The following AP2B1 variants were observed in gnomAD, a reference collection of about 807,000 sequenced individuals.
AP2B1 encodes AP-2 complex subunit beta.
A neutral mutation model predicts 102.0 loss-of-function variants in AP2B1; 23 were observed. The observed-to-expected ratio is 0.23, with a 90% CI of 0.16 to 0.32. AP2B1 has a LOEUF of 0.32. Ranked by LOEUF, AP2B1 falls within the 10% of genes least tolerant of loss-of-function variation. The pLI is 1.00. For synonymous variants in AP2B1, 381 were observed against 421.2 expected (o/e 0.90, Z 1.17); for missense variants, 541 against 1,157.4 (o/e 0.47, Z 7.73).
Position 35,717,278 on chromosome 17 carries a change from T to A in AP2B1, c.2710T>A (p.Ser904Thr). ...GGAAGGGCAGGACATGCTGTACCAA[T>A]CCCTGAAGCTCACTAATGGCATTTG... ...NVEGQDMLYQ[S>T]LKLTNGIWIL... Residue 904 changes from serine to threonine, a missense_variant, in exon 21 of 22, where the codon TCC (serine) becomes ACC (threonine). Ser to Thr is a moderately conservative substitution (Grantham distance 58). Around this residue, in one of 10 missense-constraint regions of AP2B1, gnomAD observed 117 missense variants for 206.7 expected, o/e 0.57. Coordinates refer to ENST00000610402, the MANE Select transcript of AP2B1 (RefSeq NM_001030006.2). The A allele has an allele frequency of 6.2e-7, 1 of 1,614,166 alleles. No individual in the cohort carries two copies.
intron 9 of AP2B1, among the ~76,000 whole-genome samples, chr17:35,634,077 A>T (rs1555564765): frequency 1.3e-5 from 2 of 152,086 alleles, no homozygotes; most frequent in Non-Finnish European, 1.5e-5. Flanking sequence ...AACCCAGGAG[A>T]CAAAGGTTGC....
chr17:35,700,793 A>AG, intron 18 of AP2B1, among the ~76,000 whole-genome samples: 1 of 152,328 alleles, frequency 6.6e-6, no homozygotes, highest in African/African-American at 2.4e-5. Context: ...TTAAGCTGAC[A>AG]GGTTGTTCTT....
intron 12 of AP2B1, among the ~76,000 whole-genome samples, chr17:35,649,470 G>A (rs1369187320): frequency 6.6e-6 from 1 of 152,072 alleles, no homozygotes; most frequent in Non-Finnish European, 1.5e-5. Flanking sequence ...GGGTTTCACT[G>A]TGTTAGCCAG....
chr17:35,603,673 T>C (rs1597999487), intron 3 of AP2B1, among the ~76,000 whole-genome samples: 1 of 152,178 alleles, frequency 6.6e-6, no homozygotes, highest in Non-Finnish European at 1.5e-5. Flanking sequence ...TAAAGGAAAG[T>C]ATGGAAAATA....
intron 13 of AP2B1, among the ~76,000 whole-genome samples, chr17:35,655,413 G>A (rs2142862222): frequency 6.6e-6 from 1 of 152,256 alleles, no homozygotes; most frequent in East Asian, 1.9e-4. Context: ...TCCTGAGTGT[G>A]CTATAAATGG....
chr17:35,629,541 G>A (rs1243368464), intron 9 of AP2B1, among the ~76,000 whole-genome samples: 4 of 151,970 alleles, frequency 2.6e-5, no homozygotes, highest in African/African-American at 4.8e-5. Flanking sequence ...TGAATGATTC[G>A]TTTTTTTGTT....
intron 18 of AP2B1, among the ~76,000 whole-genome samples, chr17:35,685,219 CAAAACTT>C (rs1396153196): frequency 6.6e-6 from 1 of 152,130 alleles, no homozygotes; most frequent in African/African-American, 2.4e-5. Context: ...ATATGATAAA[CAAAACTT>C]GAAAAGAGAA....
intron 18 of AP2B1, among the ~76,000 whole-genome samples, chr17:35,683,540 G>A (rs919991627): frequency 3.3e-5 from 5 of 152,204 alleles, no homozygotes; most frequent in Admixed American, 6.5e-5. Flanking sequence ...CAGCATCTTA[G>A]AAGAATTTTA....
intron 14 of AP2B1, among the ~76,000 whole-genome samples, chr17:35,661,822 T>G (rs1027362421): frequency 2.0e-5 from 3 of 152,234 alleles, no homozygotes; most frequent in Admixed American, 6.5e-5. Context: ...CTTCTTTTAC[T>G]GTCACACTCA....
intron 9 of AP2B1, among the ~76,000 whole-genome samples, chr17:35,635,071 G>T (rs2074567803): frequency 6.6e-6 from 1 of 151,634 alleles, no homozygotes; most frequent in Non-Finnish European, 1.5e-5. Context: ...GTGGGGTTGG[G>T]GGCATAGTCT....
intron 10 of AP2B1, among the ~76,000 whole-genome samples, chr17:35,637,038 A>G (rs368960514): frequency 6.6e-6 from 1 of 152,350 alleles, no homozygotes; most frequent in South Asian, 2.1e-4. Context: ...TTACTTCACA[A>G]GTTTTTCAGA....
In AP2B1 at chr17:35,639,643, T is replaced by C; in HGVS notation, c.1320T>C (p.Asp440=). The change falls in exon 11 of 22, where the codon GAT becomes GAC. Residue 440 remains aspartate, a synonymous_variant. Transcript: ENST00000610402. ...TGTGTGAGAACTTAGACTCGCTGGA[T>C]GAGCCAGATGCTCGAGCAGCTATGA... The part of the protein sequence containing the change: ...ATLCENLDSL[D]EPDARAAMIW... 6.2e-7 allele frequency: 1 copy of C among 1,614,124 alleles called. No homozygotes were observed. Among genetic ancestry groups the C allele is most frequent in the Non-Finnish European group, 8.5e-7 (1 of 1,179,964 alleles).
Position 35,671,845 on chromosome 17 carries a change from T to C in AP2B1, c.2123T>C (p.Phe708Ser), listed in dbSNP as rs775906970. Residue 708 changes from phenylalanine to serine, a missense_variant, in exon 16 of 22, where the codon TTT (phenylalanine) becomes TCT (serine). Transcript: ENST00000610402. Reference sequence around the variant, plus strand: ...GTCAGCAGTGGACTGAATGACCTGTTTGAACTCTCCACAGGGATAGGCATG... The same window carrying C: ...GTCAGCAGTGGACTGAATGACCTGTCTGAACTCTCCACAGGGATAGGCATG... The part of the protein sequence containing the change: ...AVVSSGLNDL[F>S]ELSTGIGMAP... 6 of 1,614,040 alleles carry C rather than the reference T, an allele frequency of 3.7e-6. No homozygotes were observed. The Admixed American group carries it at 8.3e-5, about 22-fold the overall frequency.
At chr17:35,659,462 G>GGTTT (rs1211499112) in intron 14 of AP2B1, among the ~76,000 whole-genome samples, 1 of 152,090 alleles carries the variant, frequency 6.6e-6, no homozygotes, top group East Asian at 1.9e-4. Context: ...AAAACCAATG[G>GGTTT]GTTTTGTCAT....
At position 35,641,863 on chromosome 17, in the gene AP2B1, T is replaced by C; in HGVS notation, c.1438-14T>C. 1 of 1,588,266 alleles carries C rather than the reference T, an allele frequency of 6.3e-7. No homozygotes were observed. The highest frequency in any genetic ancestry group is 8.6e-7 in the Non-Finnish European group (1 of 1,160,078). On this transcript the variant is annotated splice_polypyrimidine_tract_variant and intron_variant, in intron 11 of 21. Coordinates refer to ENST00000610402, the MANE Select transcript of AP2B1 (RefSeq NM_001030006.2). ...TGCCATTCTTTCACACTATCACAAA[T>C]TATGTCTGTTTAGGTGCAGCTCACT...
intron 20 of AP2B1, 123 bp from the exon 21 acceptor site, chr17:35,717,072 A>G (rs922116592): frequency 2.8e-6 from 3 of 1,077,446 alleles, no homozygotes; most frequent in African/African-American, 3.2e-5. Context: ...AAGTGTACAC[A>G]TGTCCATGTG....
intron 10 of AP2B1, among the ~76,000 whole-genome samples, 189 bp downstream of exon 10, chr17:35,636,645 C>G (rs2074615294): frequency 6.6e-6 from 1 of 152,154 alleles, no homozygotes; most frequent in South Asian, 2.1e-4. Flanking sequence ...TGCTTTCTTT[C>G]TTTAGGAAGA....
chr17:35,651,616 G>T (rs2075088054), intron 13 of AP2B1, among the ~76,000 whole-genome samples: 1 of 151,892 alleles, frequency 6.6e-6, no homozygotes, highest in African/African-American at 2.4e-5. Context: ...TGTTTAAGTG[G>T]TTTTTGTGAA....
At chr17:35,664,097 G>A (rs998268378) in intron 14 of AP2B1, among the ~76,000 whole-genome samples, 7 of 151,986 alleles carry the variant, frequency 4.6e-5, no homozygotes, top group Non-Finnish European at 8.8e-5. Flanking sequence ...AAAAATCTCC[G>A]TTTCCCATCT....
Sources: gnomAD v4.1 joint callset for allele counts (sites outside exome capture counted in the v4.1 genomes callset) on GRCh38, gnomAD v4.1.1 for gene constraint, gnomAD v4.1.1 regional missense constraint, MANE v1.5 for transcripts, NCBI Gene and HGNC (gene_info 2026-07-23, HGNC 2026-07-21) for gene names.